The following KMO variants were observed in gnomAD, a reference collection of about 807,000 sequenced individuals.
KMO encodes the protein kynurenine 3-hydroxylase.
KMO carries 24 observed loss-of-function variants against 57.8 expected under a neutral mutation model. That is an observed-to-expected ratio of 0.42 (90% CI 0.30 to 0.58). The LOEUF is 0.58. Among genes scored for constraint, KMO ranks in the 20% least tolerant of loss-of-function variants. The probability of loss-of-function intolerance (pLI) is 0.22; values close to 1 mark genes in which losing one functional copy is unlikely to be tolerated. For missense variants in KMO, 483 were observed against 588.2 expected, an observed-to-expected ratio of 0.82 and a Z score of 1.85; for synonymous variants, 210 against 193.6, an observed-to-expected ratio of 1.08 and a Z score of -0.70.
At chr1:241,556,393 C>A (rs895135187) in intron 5 of KMO, among the ~76,000 whole-genome samples, 1 of 152,122 alleles carries the variant, frequency 6.6e-6, no homozygotes, top group African/African-American at 2.4e-5. Context: ...CCTCAGACTC[C>A]AGAGTAGCTG....
chr1:241,542,902 G>C (rs1302819217), intron 1 of KMO, among the ~76,000 whole-genome samples: 2 of 152,140 alleles, frequency 1.3e-5, no homozygotes, highest in Non-Finnish European at 2.9e-5. Context: ...AGTGAGAGGG[G>C]AAAGAAAATT....
intron 10 of KMO, among the ~76,000 whole-genome samples, chr1:241,569,991 ATT>A (rs1662217733): frequency 6.6e-6 from 1 of 151,902 alleles, no homozygotes; most frequent in Admixed American, 6.6e-5. Flanking sequence ...TTATTATTTT[ATT>A]ATTTTAATAA....
intron 10 of KMO, among the ~76,000 whole-genome samples, chr1:241,579,641 A>C (rs1332050696): frequency 1.3e-5 from 2 of 151,938 alleles, no homozygotes; most frequent in Non-Finnish European, 2.9e-5. Context: ...TACACTCAAA[A>C]CTGTCCTAGG....
intron 1 of KMO, among the ~76,000 whole-genome samples, chr1:241,546,181 G>C (rs1661141213): frequency 1.3e-5 from 2 of 152,096 alleles, no homozygotes; most frequent in Admixed American, 6.6e-5. Flanking sequence ...TACCTGTTTA[G>C]GGTCCTGATC....
In KMO at chr1:241,562,892, AAG is replaced by A. The variant is rs1264072296; in HGVS notation, c.615+561_615+562del. On this transcript the variant is annotated intron_variant, in intron 7 of 14. Transcript: ENST00000366559. ...GAAGGAAGGAAGGAAGGAAGGAAGG[AAG>A]GAAGGAAGGAAGGAAGGAAGGAAAG... Among the ~76,000 whole-genome samples the A allele has an allele frequency of 1.2e-3, 97 of 82,794 alleles. 1 individual carries two copies. Among genetic ancestry groups the A allele is most frequent in the Middle Eastern group, 0.012 (2 of 168 alleles). 54.3% of individuals were successfully genotyped at this position (82,794 alleles called of 152,430 possible).
intron 7 of KMO, among the ~76,000 whole-genome samples, chr1:241,562,912 AAGGAAAGAAG>A (rs1661922414): frequency 1.0e-4 from 3 of 28,736 alleles, no homozygotes; most frequent in Admixed American, 3.2e-4. Context: ...GGAAGGAAGG[AAGGAAAGAAG>A]GAAGGAAGGA....
At chr1:241,534,826 C>G (rs979646460) in intron 1 of KMO, among the ~76,000 whole-genome samples, 11 of 152,194 alleles carry the variant, frequency 7.2e-5, no homozygotes, top group Admixed American at 3.3e-4. Context: ...TTCCAATGAT[C>G]TCCCATTACA....
rs1404863476 is a variant in KMO, at chr1:241,590,062, G to A, written c.1149G>A (p.Glu383=). 1.2e-6 allele frequency: 2 copies of A among 1,614,038 alleles called. No individual in the cohort carries two copies. Among genetic ancestry groups the A allele is most frequent in the Non-Finnish European group, 8.5e-7 (1 of 1,179,924 alleles). Residue 383 remains glutamate (E), a synonymous_variant, in exon 13 of 15, where the codon GAG becomes GAA. Coordinates refer to ENST00000366559, the MANE Select transcript of KMO (RefSeq NM_003679.5). ...SSWFIFQKNM[E]RFLHAIMPST... is the part of the protein sequence containing the mutation. ...GGTTCATTTTTCAGAAGAACATGGA[G>A]AGATTTCTTCATGCGATTATGCCAT...
rs1398533520 is a variant in KMO, at chr1:241,593,810, A to G, written c.*1657A>G. 1 of 154,066 alleles carries G rather than the reference A, an allele frequency of 6.5e-6. No individual in the cohort carries two copies. Among genetic ancestry groups the G allele is most frequent in the Non-Finnish European group, 1.4e-5 (1 of 69,252 alleles). The allele number at this position is 154,066 out of a possible 1,614,324, so 9.5% of individuals were successfully genotyped here. A position where few individuals can be genotyped will look rare whatever the true frequency, so the allele number is the denominator to read the frequency against. On this transcript the variant is annotated 3_prime_UTR_variant, in exon 15 of 15. Transcript: ENST00000366559. ...GTAGGGGCAGCAATTTGGGGGAAGC[A>G]AATATATGGGAGTTTGCCTTGTAGA...
chr1:241,567,069 C>A lies in KMO; in HGVS notation c.809+457C>A, dbSNP rs1662111147. Among the ~76,000 whole-genome samples, 3 of 152,304 alleles carry A rather than the reference C, an allele frequency of 2.0e-5. No homozygotes were observed. The South Asian group carries it at 6.2e-4, about 32-fold the overall frequency. ...AATAGAACCTATCCCAAAGGGTTGTCATGAGGACTAAATGAGATCGTGTCT... is the reference window on the plus strand; with the variant it reads ...AATAGAACCTATCCCAAAGGGTTGTAATGAGGACTAAATGAGATCGTGTCT... On this transcript the variant is annotated intron_variant, in intron 9 of 14. Coordinates refer to ENST00000366559, the MANE Select transcript of KMO (RefSeq NM_003679.5).
intron 10 of KMO, among the ~76,000 whole-genome samples, chr1:241,574,734 T>C (rs562887091): frequency 6.2e-4 from 95 of 152,036 alleles, no homozygotes; most frequent in African/African-American, 2.2e-3. Flanking sequence ...TTTCTTTCTT[T>C]GTTATGTCTT....
At chr1:241,564,167 T>C (rs950687611) in intron 7 of KMO, among the ~76,000 whole-genome samples, 1 of 152,196 alleles carries the variant, frequency 6.6e-6, no homozygotes, top group Admixed American at 6.5e-5. Context: ...TCCAAGACTA[T>C]GCTGTTTTTT....
rs968796513 is a variant in KMO, at chr1:241,559,724, T to C, written c.362-941T>C. On this transcript the variant is annotated intron_variant, in intron 5 of 14. Coordinates refer to ENST00000366559, the MANE Select transcript of KMO (RefSeq NM_003679.5). ...AACTCCTGCCTTATTTTCCCCATTT[T>C]TTTCAAATTCAACATTCTTTTTATT... Among the ~76,000 whole-genome samples, 15 of 152,182 alleles carry C rather than the reference T, an allele frequency of 9.9e-5. 1 individual carries two copies. Among genetic ancestry groups the C allele is most frequent in the Admixed American group, 8.5e-4 (13 of 15,280 alleles).
chr1:241,575,545 AT>A (rs1276803703), intron 10 of KMO, among the ~76,000 whole-genome samples: 1 of 152,012 alleles, frequency 6.6e-6, no homozygotes, highest in Non-Finnish European at 1.5e-5. Flanking sequence ...TCAAGAGAAG[AT>A]TGTTTAATTT....
chr1:241,567,064 G>A (rs771837392), intron 9 of KMO, among the ~76,000 whole-genome samples: 1 of 152,178 alleles, frequency 6.6e-6, no homozygotes, highest in Non-Finnish European at 1.5e-5. Context: ...ATCCCAAAGG[G>A]TTGTCATGAG....
chr1:241,579,799 A>T (rs763116048), intron 10 of KMO, among the ~76,000 whole-genome samples: 6 of 152,076 alleles, frequency 3.9e-5, no homozygotes, highest in Non-Finnish European at 8.8e-5. Flanking sequence ...AGAGAGTTCA[A>T]CCCTGCTCGA....
chr1:241,562,035 G>A (rs1661862104), intron 6 of KMO, 132 bp from the exon 7 acceptor site: 1 of 696,858 alleles, frequency 1.4e-6, no homozygotes, highest in Admixed American at 2.9e-5. Context: ...TTAACTCAAA[G>A]CTCCAAGTCA....
chr1:241,557,403 T>G (rs1661678591), intron 5 of KMO, among the ~76,000 whole-genome samples: 1 of 152,150 alleles, frequency 6.6e-6, no homozygotes, highest in Admixed American at 6.5e-5. Context: ...CTCTGATTTT[T>G]AAACAGAGAC....
intron 14 of KMO, among the ~76,000 whole-genome samples, chr1:241,590,675 A>G (rs1663227112): frequency 6.6e-6 from 1 of 152,236 alleles, no homozygotes; most frequent in Non-Finnish European, 1.5e-5. Flanking sequence ...TAGAGAAGCC[A>G]TTAAATGGAA....
Sources: gnomAD v4.1 joint callset for allele counts (sites outside exome capture counted in the v4.1 genomes callset) on GRCh38, gnomAD v4.1.1 for gene constraint, MANE v1.5 for transcripts, NCBI Gene and HGNC (gene_info 2026-07-23, HGNC 2026-07-21) for gene names.